Variants in MED13L observed in about 807,000 individuals in gnomAD.
MED13L encodes the protein mediator complex subunit 13L.
MED13L carries 7 observed loss-of-function variants against 220.9 expected under a neutral mutation model. That is an observed-to-expected ratio of 0.03 (90% confidence interval 0.02 to 0.06). The LOEUF (loss-of-function observed/expected upper bound fraction) is 0.06. MED13L is among the 10% of genes least tolerant of loss of function. The pLI is 1.00. For synonymous variants in MED13L, 1,011 were observed against 1,015.2 expected, an observed-to-expected ratio of 1.00 and a Z score of 0.08; for missense variants, 1,965 against 2,760.5, an observed-to-expected ratio of 0.71 and a Z score of 6.46.
intron 4 of MED13L, among the ~76,000 whole-genome samples, chr12:116,049,505 C>T (rs1283203710): frequency 3.3e-5 from 5 of 151,338 alleles, no homozygotes; most frequent in Admixed American, 3.3e-4. Flanking sequence ...TTTGGCATGG[C>T]AAAAGAAAAA....
chr12:116,102,708 T>TCC (rs1565878519), intron 3 of MED13L, among the ~76,000 whole-genome samples: 15 of 87,338 alleles, frequency 1.7e-4, no homozygotes, highest in African/African-American at 6.2e-4. Context: ...TTTTTCTTTT[T>TCC]TCTTTTTTTT....
intron 2 of MED13L, among the ~76,000 whole-genome samples, chr12:116,211,494 A>G (rs535092433): frequency 1.3e-5 from 2 of 152,252 alleles, no homozygotes; most frequent in Admixed American, 1.3e-4. Context: ...TCAAGAGAAA[A>G]CAAAACAACA....
chr12:116,175,266 A>C (rs1303092639), intron 2 of MED13L, among the ~76,000 whole-genome samples: 1 of 152,186 alleles, frequency 6.6e-6, no homozygotes, highest in African/African-American at 2.4e-5. Context: ...TTCCATTTGA[A>C]ATAATTTCAA....
intron 8 of MED13L, 35 bp downstream of exon 8, chr12:116,015,074 T>C: frequency 6.3e-7 from 1 of 1,596,318 alleles, no homozygotes; most frequent in Middle Eastern, 1.7e-4. Flanking sequence ...AGATGGTTAC[T>C]AAACTATGAT....
At chr12:116,064,410 T>C (rs1347152704) in intron 4 of MED13L, among the ~76,000 whole-genome samples, 1 of 152,156 alleles carries the variant, frequency 6.6e-6, no homozygotes, top group East Asian at 1.9e-4. Flanking sequence ...CTGTGGTTGG[T>C]TGAATCCTTG....
At chr12:116,071,543 C>T (rs1188083870) in intron 4 of MED13L, among the ~76,000 whole-genome samples, 1 of 152,224 alleles carries the variant, frequency 6.6e-6, no homozygotes, top group African/African-American at 2.4e-5. Flanking sequence ...TCTCCTGCCT[C>T]AGCCTCTCGA....
chr12:115,980,603 T>C, intron 23 of MED13L, 147 bp downstream of exon 23: 1 of 856,080 alleles, frequency 1.2e-6, no homozygotes, highest in Non-Finnish European at 1.9e-6. Flanking sequence ...AGACTACAGG[T>C]GTGAGCCAAC....
chr12:116,106,456 A>G (rs564734146), intron 3 of MED13L, among the ~76,000 whole-genome samples: 286 of 152,330 alleles, frequency 1.9e-3, no homozygotes, highest in African/African-American at 6.7e-3. Context: ...GCTTCTGCTC[A>G]GTGTAAGACT....
intron 4 of MED13L, among the ~76,000 whole-genome samples, chr12:116,095,651 C>A (rs1283060650): frequency 1.3e-5 from 2 of 152,316 alleles, no homozygotes; most frequent in African/African-American, 4.8e-5. Flanking sequence ...GGGCTCTAAT[C>A]TGCACCCAGT....
At chr12:116,273,290 C>T (rs1214469271) in intron 1 of MED13L, among the ~76,000 whole-genome samples, 1 of 151,314 alleles carries the variant, frequency 6.6e-6, no homozygotes, top group East Asian at 1.9e-4. Flanking sequence ...AGCAACAAGG[C>T]GAAACTCCGT....
chr12:115,991,115 T>A lies in MED13L; in HGVS notation c.3839A>T (p.Glu1280Val), dbSNP rs1255319291. The change falls in exon 17 of 31, where the codon GAG becomes GTG. Residue 1280 changes from glutamate to valine, a missense_variant. Transcript: ENST00000281928. The surrounding 1 kb of genome is among the most constrained non-coding windows in gnomAD (Gnocchi z 7.7). Reference protein sequence around the residue: ...DYWTECFNALEQGRQYVDNPT... With the variant: ...DYWTECFNALVQGRQYVDNPT... ...GTTATCCACATACTGCCGCCCCTGC[T>A]CCAACGCATTAAAGCATTCCGTCCA... 1 of 1,614,148 alleles carries A rather than the reference T, an allele frequency of 6.2e-7. No individual in the cohort carries two copies. The highest frequency in any genetic ancestry group is 1.1e-5 in the South Asian group (1 of 91,088).
In MED13L at chr12:116,169,526, T is replaced by C. The variant is rs548391701; in HGVS notation, c.311-58014A>G. On this transcript the variant is annotated intron_variant, in intron 2 of 30. Coordinates refer to ENST00000281928, the MANE Select transcript of MED13L (RefSeq NM_015335.5). ...AATCATATTGTCATATCTACTTTTATGTTCAATATATAACAATACGTTGTT... is the reference window on the plus strand; with the variant it reads ...AATCATATTGTCATATCTACTTTTACGTTCAATATATAACAATACGTTGTT... 9.2e-5 allele frequency among the ~76,000 whole-genome samples: 14 copies of C among 152,360 alleles called. No individual in the cohort carries two copies. In the East Asian group the frequency reaches 2.7e-3, roughly 29 times the overall value.
chr12:116,148,552 C>T, intron 2 of MED13L: 1 of 318,104 alleles, frequency 3.1e-6, no homozygotes, highest in Non-Finnish European at 6.9e-6. Context: ...ACAATCCATA[C>T]TAAAAACTTC....
intron 4 of MED13L, among the ~76,000 whole-genome samples, chr12:116,048,057 T>C (rs961564841): frequency 9.9e-5 from 15 of 151,998 alleles, no homozygotes; most frequent in East Asian, 1.9e-4. Flanking sequence ...TTGAGACAAG[T>C]TGAAAAGCTT....
chr12:116,078,825 C>T (rs369553519), intron 4 of MED13L, among the ~76,000 whole-genome samples: 3 of 152,218 alleles, frequency 2.0e-5, no homozygotes, highest in Admixed American at 6.5e-5. Flanking sequence ...AATATAAAAT[C>T]TCATGATATG....
At chr12:116,158,201 A>T (rs1878591629) in intron 2 of MED13L, among the ~76,000 whole-genome samples, 1 of 151,974 alleles carries the variant, frequency 6.6e-6, no homozygotes, top group African/African-American at 2.4e-5. Flanking sequence ...CTTATTCTAC[A>T]TACTGCAAGA....
rs1391675875 is a variant in MED13L, at chr12:115,982,493, G to A, written c.5066C>T (p.Ala1689Val). 1.2e-6 allele frequency: 2 copies of A among 1,614,166 alleles called. No individual in the cohort carries two copies. Among genetic ancestry groups the A allele is most frequent in the Admixed American group, 1.7e-5 (1 of 60,024 alleles). Residue 1689 changes from alanine (A) to valine (V), a missense_variant, in exon 22 of 31, where the codon GCA becomes GTA. Ala to Val is a moderately conservative substitution (Grantham distance 64, BLOSUM62 0). Coordinates refer to ENST00000281928, the MANE Select transcript of MED13L (RefSeq NM_015335.5). ...GTTCCCAGAAGTGGAGTCCTCCTCT[G>A]CAGCATACGTGAACGGGTCCACCAT... Reference protein sequence around the residue: ...IYMVDPFTYAAEEDSTSGNFW... With the variant: ...IYMVDPFTYAVEEDSTSGNFW...
intron 4 of MED13L, among the ~76,000 whole-genome samples, chr12:116,040,329 TATAAG>T (rs1292065777): frequency 6.6e-6 from 1 of 152,220 alleles, no homozygotes; most frequent in African/African-American, 2.4e-5. Context: ...ATAATGAAGT[TATAAG>T]ATACTATTTG....
chr12:115,996,513 T>C lies in MED13L; in HGVS notation c.2959A>G (p.Met987Val), dbSNP rs1241663972. The C allele has an allele frequency of 1.2e-6, 2 of 1,614,110 alleles. No individual in the cohort carries two copies. The highest frequency in any genetic ancestry group is 2.7e-5 in the African/African-American group (2 of 74,942). ...AIPPKIEQLP[M>V]PPAATFIRDG... ...CTAATGAAAGTGGCTGCAGGGGGCA[T>C]GGGCAGTTGTTCAATTTTAGGAGGA... Residue 987 changes from methionine (M) to valine (V), a missense_variant, in exon 16 of 31, where the codon ATG becomes GTG. Physicochemically the swap from Met to Val is conservative, Grantham distance 21 (BLOSUM62 1). Around this residue, in one of 10 missense-constraint regions of MED13L, gnomAD observed 233 missense variants for 306.2 expected, o/e 0.76. Transcript: ENST00000281928.
Sources: allele counts gnomAD v4.1 joint callset (sites outside exome capture counted in the v4.1 genomes callset), GRCh38; gene constraint gnomAD v4.1.1; regional missense constraint gnomAD v4.1.1; non-coding constraint Gnocchi (gnomAD v3.1); transcripts MANE v1.5; gene names NCBI Gene and HGNC (gene_info 2026-07-23, HGNC 2026-07-21).